GRIK2: variants seen among roughly 807,000 people sequenced by gnomAD.
GRIK2 encodes the protein glutamate ionotropic receptor kainate type subunit 2.
Under a neutral mutation model 100.3 loss-of-function variants are expected in GRIK2, and 32 were observed. The observed-to-expected ratio is 0.32, with a 90% CI of 0.24 to 0.43. GRIK2 has a LOEUF of 0.43. Among genes scored for constraint, GRIK2 ranks in the 20% least tolerant of loss-of-function variants. The pLI is 1.00. For synonymous variants in GRIK2, 417 were observed against 389.4 expected (o/e 1.07, Z -0.83); for missense variants, 843 against 1,114.9 (o/e 0.76, Z 3.47).
intron 4 of GRIK2, among the ~76,000 whole-genome samples, chr6:101,647,013 C>T (rs1271193471): frequency 5.9e-5 from 9 of 151,878 alleles, no homozygotes; most frequent in East Asian, 1.9e-4. Flanking sequence ...ATGCATTTCT[C>T]GTTTTTCTGT....
At chr6:101,399,760 G>A (rs1233635789) in intron 2 of GRIK2, among the ~76,000 whole-genome samples, 1 of 152,216 alleles carries the variant, frequency 6.6e-6, no homozygotes, top group African/African-American at 2.4e-5. Flanking sequence ...GCGCGCCGGG[G>A]CTGCACGCCT....
At chr6:101,638,557 GA>G (rs10716146) in intron 4 of GRIK2, among the ~76,000 whole-genome samples, 54,530 of 151,548 alleles carry the variant, frequency 0.36, 10,714 homozygotes, top group African/African-American at 0.53. Flanking sequence ...AAAGCAAGGA[GA>G]AAAAAATATA....
intron 2 of GRIK2, among the ~76,000 whole-genome samples, chr6:101,592,624 T>TATATATATATATATATATATATATC (rs71028078): frequency 7.5e-6 from 1 of 133,522 alleles, no homozygotes; most frequent in Admixed American, 7.6e-5. Context: ...TATATATATA[T>TATATATATATATATATATATATATC]TGCTTTTTCA....
chr6:101,800,120 AT>A (rs1428765267), intron 8 of GRIK2, among the ~76,000 whole-genome samples: 1 of 152,070 alleles, frequency 6.6e-6, no homozygotes, highest in Non-Finnish European at 1.5e-5. Context: ...CATAAATGTC[AT>A]TTGCACTACA....
intron 15 of GRIK2, among the ~76,000 whole-genome samples, chr6:102,046,560 T>C (rs1770899320): frequency 1.3e-5 from 2 of 152,204 alleles, no homozygotes; most frequent in Admixed American, 6.6e-5. Context: ...TCTTCCATGA[T>C]TGTAAGTTTC....
intron 2 of GRIK2, among the ~76,000 whole-genome samples, chr6:101,452,335 G>A (rs1770753528): frequency 6.6e-6 from 1 of 151,806 alleles, no homozygotes; most frequent in Middle Eastern, 3.2e-3. Flanking sequence ...TGGTTCTCAA[G>A]CTTGGCTGCA....
Position 101,734,745 on chromosome 6 carries a change from T to C in GRIK2, c.951+48392T>C, listed in dbSNP as rs140585127. On this transcript the variant is annotated intron_variant, in intron 7 of 16. Transcript: ENST00000369134. The stretch of plus-strand genomic sequence containing the variant: ...TTGTCCTAAGGAAAATGACAACCCA[T>C]TGGTGATTTTTAAGGAGGTAAATAA... Among the ~76,000 whole-genome samples, 14 of 152,278 alleles carry C rather than the reference T, an allele frequency of 9.2e-5. No homozygotes were observed. The East Asian group carries it at 2.5e-3, about 27-fold the overall frequency.
rs746337504 is a variant in GRIK2, at chr6:101,928,500, T to C, written c.1953T>C (p.Tyr651=). Reference sequence around the variant, plus strand: ...TCACACTTATCATCATTTCTTCGTATACTGCTAACTTAGCCGCCTTTCTGA... The same window carrying C: ...TCACACTTATCATCATTTCTTCGTACACTGCTAACTTAGCCGCCTTTCTGA... The part of the protein sequence containing the change: ...WFFTLIIISS[Y]TANLAAFLTV... Residue 651 remains tyrosine, a synonymous_variant, in exon 14 of 17, where the codon TAT becomes TAC. Transcript: ENST00000369134. 1.5e-5 allele frequency: 24 copies of C among 1,604,672 alleles called. No homozygotes were observed. Among genetic ancestry groups the C allele is most frequent in the Non-Finnish European group, 2.0e-5 (24 of 1,171,474 alleles).
chr6:101,943,355 G>C (rs1791073774), intron 14 of GRIK2, among the ~76,000 whole-genome samples: 1 of 152,176 alleles, frequency 6.6e-6, no homozygotes, highest in Non-Finnish European at 1.5e-5. Context: ...GGAAATGTGG[G>C]GTTGGAGCCC....
chr6:101,513,519 G>A (rs753226828), intron 2 of GRIK2, among the ~76,000 whole-genome samples: 30 of 152,166 alleles, frequency 2.0e-4, no homozygotes, highest in Non-Finnish European at 3.5e-4. Context: ...ACAAAGAACA[G>A]CTTTGCAGGG....
intron 2 of GRIK2, among the ~76,000 whole-genome samples, chr6:101,444,188 A>C (rs1452854600): frequency 1.3e-5 from 2 of 151,888 alleles, no homozygotes; most frequent in Non-Finnish European, 2.9e-5. Context: ...CAAAGTGCTG[A>C]GATTACAGGC....
intron 15 of GRIK2, among the ~76,000 whole-genome samples, chr6:102,045,258 T>C (rs1394643560): frequency 6.6e-6 from 1 of 152,120 alleles, no homozygotes; most frequent in East Asian, 1.9e-4. Flanking sequence ...ATGTGACAGA[T>C]GAAACTATAA....
rs77198300 is a variant in GRIK2 at position 101,810,206 on chromosome 6, C to T, written c.1203+7768C>T. Among the ~76,000 whole-genome samples, 1,153 of 151,828 alleles carry T rather than the reference C, an allele frequency of 7.6e-3. 12 individuals carry two copies. Among genetic ancestry groups the T allele is most frequent in the African/African-American group, 0.026 (1,091 of 41,432 alleles). ...AAAATGGCTTTTAACTGAATGGTAT[C>T]GTATTTTCATATTTGGGAACATGTA... On this transcript the variant is annotated intron_variant, in intron 9 of 16. Coordinates refer to ENST00000369134, the MANE Select transcript of GRIK2 (RefSeq NM_021956.5).
At chr6:101,889,535 T>C (rs1786893834) in intron 11 of GRIK2, 105 bp from the exon 12 acceptor site, 2 of 648,190 alleles carry the variant, frequency 3.1e-6, no homozygotes, top group African/African-American at 3.7e-5. Flanking sequence ...GTAAAGCCTT[T>C]GTTTTATTTA....
intron 10 of GRIK2, among the ~76,000 whole-genome samples, chr6:101,835,455 T>TA (rs1402670134): frequency 1.4e-5 from 2 of 147,366 alleles, no homozygotes; most frequent in Admixed American, 1.4e-4. Context: ...ACAGATTACC[T>TA]ATGAGTTCCT....
At chr6:101,909,352 G>C (rs1788470826) in intron 12 of GRIK2, among the ~76,000 whole-genome samples, 2 of 137,136 alleles carry the variant, frequency 1.5e-5, no homozygotes, top group South Asian at 4.7e-4. Context: ...AAAATTTTTG[G>C]ATGCTGAAGG....
chr6:101,619,253 A>C (rs1481013549), intron 2 of GRIK2, among the ~76,000 whole-genome samples: 1 of 151,260 alleles, frequency 6.6e-6, no homozygotes, highest in East Asian at 1.9e-4. Flanking sequence ...TTGTCTTAAA[A>C]GGTTGCGTTA....
At chr6:101,785,846 A>G (rs914563692) in intron 7 of GRIK2, among the ~76,000 whole-genome samples, 7 of 151,502 alleles carry the variant, frequency 4.6e-5, no homozygotes, top group African/African-American at 1.5e-4. Context: ...TTTCTTTTCT[A>G]TTTCTGTGAA....
chr6:101,796,641 A>T (rs1032577069), intron 7 of GRIK2, among the ~76,000 whole-genome samples: 1 of 152,184 alleles, frequency 6.6e-6, no homozygotes, highest in Non-Finnish European at 1.5e-5. Flanking sequence ...AAGTAAAGAT[A>T]TTTTAAACTG....
Sources: allele counts gnomAD v4.1 joint callset (sites outside exome capture counted in the v4.1 genomes callset), GRCh38; gene constraint gnomAD v4.1.1; transcripts MANE v1.5; gene names NCBI Gene and HGNC (gene_info 2026-07-23, HGNC 2026-07-21).